DLC1: variants seen among roughly 807,000 people sequenced by gnomAD.
DLC1 encodes the protein DLC1 Rho GTPase activating protein.
Under a neutral mutation model 140.3 loss-of-function variants are expected in DLC1, and 54 were observed. The ratio of observed to expected loss-of-function variants is 0.38; its 90% CI spans 0.31 to 0.48. DLC1 has a LOEUF of 0.48. Ranked by LOEUF, DLC1 falls within the 20% of genes least tolerant of loss-of-function variation. The pLI, the probability that DLC1 is intolerant of heterozygous loss-of-function variation, is 0.96. For synonymous variants in DLC1, 986 were observed against 728.1 expected (o/e 1.35, Z -5.70); for missense variants, 2,536 against 1,907.0 (o/e 1.33, Z -6.14).
intron 1 of DLC1, among the ~76,000 whole-genome samples, chr8:13,600,341 T>C (rs902982450): frequency 6.6e-6 from 1 of 151,852 alleles, no homozygotes; most frequent in Non-Finnish European, 1.5e-5. Flanking sequence ...CTGGGGGAAA[T>C]AAGGACCTGA....
intron 5 of DLC1, among the ~76,000 whole-genome samples, chr8:13,208,466 C>G (rs1003488457): frequency 2.6e-5 from 4 of 152,092 alleles, no homozygotes; most frequent in Non-Finnish European, 4.4e-5. Flanking sequence ...CCAGTAGAAA[C>G]TATTCTATTT....
chr8:13,116,622 C>T (rs1439153033), intron 5 of DLC1, among the ~76,000 whole-genome samples: 1 of 152,188 alleles, frequency 6.6e-6, no homozygotes, highest in Non-Finnish European at 1.5e-5. Context: ...TAGTTCATAT[C>T]AGAAGTGTAA....
chr8:13,221,558 A>G, intron 5 of DLC1, among the ~76,000 whole-genome samples: 1 of 150,482 alleles, frequency 6.6e-6, no homozygotes, highest in East Asian at 1.9e-4. Context: ...TTTAGTAGAG[A>G]TGAGGTTTCA....
intron 7 of DLC1, among the ~76,000 whole-genome samples, chr8:13,105,218 A>G (rs1819460670): frequency 6.6e-6 from 1 of 152,208 alleles, no homozygotes; most frequent in Non-Finnish European, 1.5e-5. Flanking sequence ...TTATGTTGGT[A>G]GCACCCAGCT....
At chr8:13,537,553 G>C (rs1803326040) in intron 1 of DLC1, among the ~76,000 whole-genome samples, 1 of 151,818 alleles carries the variant, frequency 6.6e-6, no homozygotes, top group South Asian at 2.1e-4. Context: ...ACACAGTTAG[G>C]TAAAGGATCA....
chr8:13,134,809 T>G (rs911126203), intron 5 of DLC1, among the ~76,000 whole-genome samples: 8 of 152,016 alleles, frequency 5.3e-5, no homozygotes, highest in African/African-American at 1.9e-4. Context: ...AATAAATAAA[T>G]AAATAAGCTA....
At chr8:13,094,392 G>T (rs528486377) in intron 12 of DLC1, among the ~76,000 whole-genome samples, 1 of 152,170 alleles carries the variant, frequency 6.6e-6, no homozygotes, top group Non-Finnish European at 1.5e-5. Flanking sequence ...AAGGCCAGGC[G>T]TGGTGGCTCA....
chr8:13,588,287 A>G (rs1373801463), intron 1 of DLC1, among the ~76,000 whole-genome samples: 1 of 152,176 alleles, frequency 6.6e-6, no homozygotes, highest in Non-Finnish European at 1.5e-5. Flanking sequence ...TGATACCTAT[A>G]TTAGCCTACT....
chr8:13,594,075 C>T (rs915920272), intron 1 of DLC1, among the ~76,000 whole-genome samples: 12 of 151,918 alleles, frequency 7.9e-5, no homozygotes, highest in Non-Finnish European at 1.2e-4. Context: ...GTGGGAGGAT[C>T]GCTTGAGTCC....
intron 1 of DLC1, among the ~76,000 whole-genome samples, chr8:13,513,114 G>A (rs1043996491): frequency 6.6e-6 from 1 of 151,912 alleles, no homozygotes. Context: ...TATGAATCAG[G>A]GCACTGTGGT....
upstream of DLC1, among the ~76,000 whole-genome samples, chr8:13,516,571 G>A (rs1802595417): frequency 6.6e-6 from 1 of 152,100 alleles, no homozygotes; most frequent in African/African-American, 2.4e-5. Context: ...GACTTATACT[G>A]TGCATGAGTT....
chr8:13,386,539 G>C (rs569391577), intron 4 of DLC1, among the ~76,000 whole-genome samples: 25 of 152,172 alleles, frequency 1.6e-4, no homozygotes, highest in African/African-American at 6.0e-4. Context: ...ACTGTCTTGA[G>C]TTAACATGTA....
intron 4 of DLC1, among the ~76,000 whole-genome samples, chr8:13,315,839 C>T (rs1282797371): frequency 6.6e-6 from 1 of 152,160 alleles, no homozygotes; most frequent in Non-Finnish European, 1.5e-5. Flanking sequence ...ACATTTGCCT[C>T]AAAATGTTCA....
intron 1 of DLC1, among the ~76,000 whole-genome samples, chr8:13,541,760 A>G (rs959089987): frequency 6.6e-6 from 1 of 152,176 alleles, no homozygotes; most frequent in Non-Finnish European, 1.5e-5. Context: ...CGTGTTGGCC[A>G]GGATGATCTC....
chr8:13,273,429 G>T (rs1046010719), intron 5 of DLC1, among the ~76,000 whole-genome samples: 2 of 152,128 alleles, frequency 1.3e-5, no homozygotes, highest in Non-Finnish European at 2.9e-5. Flanking sequence ...AGGATTAACA[G>T]AAACTCCTGT....
chr8:13,148,139 G>A (rs1047381224), intron 5 of DLC1, among the ~76,000 whole-genome samples: 24 of 151,778 alleles, frequency 1.6e-4, no homozygotes, highest in Non-Finnish European at 2.9e-4. Context: ...TTAATTTTAG[G>A]TCTGGGGTAC....
Position 13,099,645 on chromosome 8 carries a change from C to T in DLC1, c.2692G>A (p.Glu898Lys), listed in dbSNP as rs1422747829. ...AGCTCGGGGAAGATGTCCTCGTTCT[C>T]CAGATCCGCCAGGTCCCCTGAACTG... ...YSSSGDLADL[E>K]NEDIFPELDD... The change falls in exon 9 of 18, where the codon GAG becomes AAG. Residue 898 changes from glutamate to lysine, a missense_variant. By Grantham distance (56) the Glu-to-Lys change is moderately conservative. Transcript: ENST00000276297. 2 of 1,614,050 alleles carry T rather than the reference C, an allele frequency of 1.2e-6. No homozygotes were observed. Among genetic ancestry groups the T allele is most frequent in the Non-Finnish European group, 1.7e-6 (2 of 1,180,026 alleles).
intron 5 of DLC1, among the ~76,000 whole-genome samples, chr8:13,204,113 A>G (rs549146175): frequency 1.3e-5 from 2 of 152,184 alleles, no homozygotes; most frequent in South Asian, 2.1e-4. Flanking sequence ...CTCAGGGGGA[A>G]AAAAGACTGT....
chr8:13,152,568 GA>G (rs1823902310), intron 5 of DLC1, among the ~76,000 whole-genome samples: 1 of 152,034 alleles, frequency 6.6e-6, no homozygotes, highest in South Asian at 2.1e-4. Flanking sequence ...TTTTAAAAAT[GA>G]ATGTTGTATT....
Sources: gnomAD v4.1 joint callset for allele counts (sites outside exome capture counted in the v4.1 genomes callset) on GRCh38, gnomAD v4.1.1 for gene constraint, MANE v1.5 for transcripts, NCBI Gene and HGNC (gene_info 2026-07-23, HGNC 2026-07-21) for gene names.